The following TMEM132B variants were observed in gnomAD, a reference collection of about 807,000 sequenced individuals.
TMEM132B encodes transmembrane protein 132B.
In TMEM132B, 18 loss-of-function variants were observed where a neutral mutation model predicts 90.8. That is an observed-to-expected ratio of 0.20 (90% CI 0.14 to 0.29). The LOEUF is 0.29. Ranked by LOEUF, TMEM132B falls within the 10% of genes least tolerant of loss-of-function variation. The probability of loss-of-function intolerance (pLI) is 1.00; values close to 1 mark genes in which losing one functional copy is unlikely to be tolerated. For missense variants in TMEM132B, 1,096 were observed against 1,326.8 expected (o/e 0.83, Z 2.70); for synonymous variants, 504 against 523.3 (o/e 0.96, Z 0.50).
intron 5 of TMEM132B, among the ~76,000 whole-genome samples, chr12:125,614,439 A>G (rs2079757147): frequency 6.6e-6 from 1 of 152,126 alleles, no homozygotes; most frequent in Non-Finnish European, 1.5e-5. Flanking sequence ...TGCAAAGGAC[A>G]TGATTTCATT....
intron 1 of TMEM132B, among the ~76,000 whole-genome samples, chr12:125,211,762 C>T (rs776143171): frequency 3.3e-5 from 5 of 152,220 alleles, no homozygotes; most frequent in Admixed American, 6.5e-5. Context: ...CCTGGCTTCT[C>T]GCTGGCAAGG....
At chr12:125,249,085 T>C (rs1285342015) in intron 1 of TMEM132B, among the ~76,000 whole-genome samples, 2 of 152,198 alleles carry the variant, frequency 1.3e-5, no homozygotes, top group Admixed American at 1.3e-4. Context: ...TTTCTCATGG[T>C]GACTTGGGAT....
rs560684036 is a variant in TMEM132B at position 125,350,008 on chromosome 12, G to A, written c.624G>A (p.Glu208=). The A allele has an allele frequency of 2.5e-6, 4 of 1,614,092 alleles. No homozygotes were observed. In the Admixed American group the frequency reaches 5.0e-5, roughly 20 times the overall value. Residue 208 remains glutamate (E), a synonymous_variant, in exon 2 of 9, where the codon GAG becomes GAA. Transcript: ENST00000682704. The part of the protein sequence containing the change: ...WFSSGLDLEP[E]EEIPALLGGT... ...GCTCAGGCCTGGACCTGGAACCAGAGGAGGAGATCCCAGCCCTGCTCGGGG... is the reference window on the plus strand; with the variant it reads ...GCTCAGGCCTGGACCTGGAACCAGAAGAGGAGATCCCAGCCCTGCTCGGGG...
chr12:125,191,900 T>A (rs1028994252), intron 1 of TMEM132B, among the ~76,000 whole-genome samples: 1 of 152,154 alleles, frequency 6.6e-6, no homozygotes, highest in East Asian at 1.9e-4. Context: ...CTGTTCTCAT[T>A]ACAAGGCTGG....
chr12:125,471,298 A>T (rs969555595), intron 3 of TMEM132B, among the ~76,000 whole-genome samples: 1 of 152,118 alleles, frequency 6.6e-6, no homozygotes, highest in Admixed American at 6.5e-5. Context: ...GGGGGACAGG[A>T]TGTGTCCTGT....
intron 4 of TMEM132B, among the ~76,000 whole-genome samples, chr12:125,541,168 G>C (rs1350580772): frequency 6.6e-6 from 1 of 152,150 alleles, no homozygotes; most frequent in Non-Finnish European, 1.5e-5. Context: ...CAGTTTTCTT[G>C]CTTTGTTTTT....
intron 1 of TMEM132B, among the ~76,000 whole-genome samples, chr12:125,276,712 T>C (rs1875000569): frequency 6.6e-6 from 1 of 152,168 alleles, no homozygotes; most frequent in South Asian, 2.1e-4. Flanking sequence ...CTGACCCTTG[T>C]TGGTGTGGCT....
intron 4 of TMEM132B, among the ~76,000 whole-genome samples, chr12:125,544,983 G>C (rs928057327): frequency 6.6e-6 from 1 of 152,152 alleles, no homozygotes; most frequent in Non-Finnish European, 1.5e-5. Flanking sequence ...TACTCCTATG[G>C]GTCAAATGGC....
At chr12:125,189,581 G>C (rs1464433288) in intron 1 of TMEM132B, among the ~76,000 whole-genome samples, 1 of 152,132 alleles carries the variant, frequency 6.6e-6, no homozygotes, top group Non-Finnish European at 1.5e-5. Context: ...ATTGGGAAGT[G>C]GTGGGGAGTG....
At chr12:125,231,884 TC>T (rs5801589) in intron 1 of TMEM132B, among the ~76,000 whole-genome samples, 1,675 of 149,732 alleles carry the variant, frequency 0.011, 23 homozygotes, top group Middle Eastern at 0.028. Context: ...TTCTTTTGTG[TC>T]CCCCCCCCAC....
intron 5 of TMEM132B, chr12:125,622,729 C>G: frequency 2.2e-6 from 2 of 909,892 alleles, no homozygotes; most frequent in Non-Finnish European, 2.6e-6. Flanking sequence ...TTTTTCTGCT[C>G]TCATTCTGGA....
At chr12:125,310,438 C>T (rs564340519) in intron 1 of TMEM132B, among the ~76,000 whole-genome samples, 34 of 152,174 alleles carry the variant, frequency 2.2e-4, no homozygotes, top group Admixed American at 7.2e-4. Flanking sequence ...ACCCATGGTC[C>T]CTCCCATTTT....
intron 6 of TMEM132B, among the ~76,000 whole-genome samples, chr12:125,648,173 G>A (rs1593044468): frequency 6.6e-6 from 1 of 151,112 alleles, no homozygotes; most frequent in Non-Finnish European, 1.5e-5. Context: ...TTATTCTTGC[G>A]ATAGTTTACT....
chr12:125,563,030 A>C (rs952151312), intron 4 of TMEM132B, among the ~76,000 whole-genome samples: 5 of 151,964 alleles, frequency 3.3e-5, no homozygotes, highest in Admixed American at 3.3e-4. Context: ...TGGTCAGTGG[A>C]GCAGTCAGAA....
intron 4 of TMEM132B, among the ~76,000 whole-genome samples, chr12:125,558,527 GA>G (rs1463421162): frequency 6.6e-6 from 1 of 152,164 alleles, no homozygotes; most frequent in Admixed American, 6.5e-5. Flanking sequence ...TTGTGGAAGT[GA>G]AAATGCAAGA....
Position 125,589,572 on chromosome 12 carries a change from A to G in TMEM132B, c.1437+5578A>G, listed in dbSNP as rs1452511435. Among the ~76,000 whole-genome samples the G allele has an allele frequency of 4.6e-5, 7 of 151,808 alleles. No homozygotes were observed. In the East Asian group the frequency reaches 1.4e-3, roughly 29 times the overall value. On this transcript the variant is annotated intron_variant, in intron 5 of 8. Transcript: ENST00000682704. Reference sequence around the variant, plus strand: ...TAATTGGCTCATGGTTTCACAAGCTATACAGGAAGCATGGTTCTGATCTGC... The same window carrying G: ...TAATTGGCTCATGGTTTCACAAGCTGTACAGGAAGCATGGTTCTGATCTGC...
At chr12:125,274,555 T>C (rs930994069) in intron 1 of TMEM132B, among the ~76,000 whole-genome samples, 2 of 152,232 alleles carry the variant, frequency 1.3e-5, no homozygotes, top group African/African-American at 4.8e-5. Context: ...CAATGCTCAT[T>C]GCCAGACTAT....
intron 4 of TMEM132B, among the ~76,000 whole-genome samples, chr12:125,541,937 A>C (rs1883967849): frequency 6.8e-6 from 1 of 146,728 alleles, no homozygotes; most frequent in Admixed American, 6.9e-5. Context: ...AGGCAGGAGA[A>C]TGGCGTGAAC....
intron 1 of TMEM132B, among the ~76,000 whole-genome samples, chr12:125,260,919 A>T (rs994465853): frequency 3.5e-5 from 3 of 85,780 alleles, no homozygotes; most frequent in Non-Finnish European, 6.7e-5. Context: ...CTGTCTCTAC[A>T]GATTGTGTGT....
Sources: allele counts gnomAD v4.1 joint callset (sites outside exome capture counted in the v4.1 genomes callset), GRCh38; gene constraint gnomAD v4.1.1; transcripts MANE v1.5; gene names NCBI Gene and HGNC (gene_info 2026-07-23, HGNC 2026-07-21).